Variants in FYB2 observed in about 807,000 individuals in gnomAD.
FYB2 encodes FYN binding protein 2, also known as FYN-binding protein 2.
FYB2 carries 103 observed loss-of-function variants against 94.1 expected under a neutral mutation model. The ratio of observed to expected loss-of-function variants is 1.09; its 90% CI spans 0.93 to 1.29. The LOEUF is 1.29. FYB2 is among the 50% of genes most tolerant of loss of function. The probability of loss-of-function intolerance (pLI) is 0.00; values close to 1 mark genes in which losing one functional copy is unlikely to be tolerated. For missense variants in FYB2, 896 were observed against 841.5 expected (o/e 1.06, Z -0.80); for synonymous variants, 293 against 287.9 (o/e 1.02, Z -0.18).
chr1:56,759,875 G>T (rs1645446604), intron 5 of FYB2, among the ~76,000 whole-genome samples: 1 of 152,094 alleles, frequency 6.6e-6, no homozygotes. Context: ...AAGGTCAGGA[G>T]TTCAAGACCA....
At chr1:56,731,419 A>G (rs1644707495) in intron 15 of FYB2, among the ~76,000 whole-genome samples, 1 of 152,048 alleles carries the variant, frequency 6.6e-6, no homozygotes, top group East Asian at 1.9e-4. Flanking sequence ...AGCTCAAGCA[A>G]TCCTCCCACT....
intron 9 of FYB2, among the ~76,000 whole-genome samples, chr1:56,747,722 A>G (rs973526696): frequency 6.6e-5 from 10 of 152,086 alleles, no homozygotes; most frequent in African/African-American, 2.4e-4. Flanking sequence ...GTGTGCATGT[A>G]TCTTTATAGT....
In FYB2 at chr1:56,816,952, A is replaced by G. The variant is rs1646897418; in HGVS notation, c.9+2330T>C. 2.0e-5 allele frequency among the ~76,000 whole-genome samples: 3 copies of G among 150,906 alleles called. No individual in the cohort carries two copies. In the East Asian group the frequency reaches 5.9e-4, roughly 29 times the overall value. On this transcript the variant is annotated intron_variant, in intron 1 of 19. Coordinates refer to ENST00000343433, the MANE Select transcript of FYB2 (RefSeq NM_001004303.5). ...GCATCTGACCACTTCTAGCCACTTC[A>G]TTGCTAAGACTGGTCTGAGCCACCA...
chr1:56,722,436 C>G (rs949789323), intron 17 of FYB2, among the ~76,000 whole-genome samples: 3 of 151,976 alleles, frequency 2.0e-5, no homozygotes, highest in Non-Finnish European at 4.4e-5. Context: ...GTGTGATAAG[C>G]TAGAGATTGC....
intron 15 of FYB2, among the ~76,000 whole-genome samples, chr1:56,727,903 C>T (rs1023471039): frequency 3.3e-5 from 5 of 152,094 alleles, no homozygotes; most frequent in African/African-American, 1.2e-4. Flanking sequence ...GTTCCAGCTA[C>T]TTGGAGGCTG....
chr1:56,763,336 T>G (rs1645544657), intron 5 of FYB2, among the ~76,000 whole-genome samples: 3 of 152,210 alleles, frequency 2.0e-5, no homozygotes, highest in Admixed American at 1.3e-4. Flanking sequence ...TTGGTATTAA[T>G]TCATCTTTAA....
intron 13 of FYB2, among the ~76,000 whole-genome samples, chr1:56,739,544 T>C (rs1473722288): frequency 1.3e-5 from 2 of 152,062 alleles, no homozygotes; most frequent in Non-Finnish European, 2.9e-5. Flanking sequence ...CTTGGGCAAA[T>C]TATTTTAGCA....
At position 56,719,632 on chromosome 1, in the gene FYB2, T is replaced by C; in HGVS notation, c.*39A>G. ...GCAGGACTAGGATCTTAGGACTAGT[T>C]CTCCTTTGTGCAGTCCATAGCATTT... On this transcript the variant is annotated 3_prime_UTR_variant, in exon 20 of 20. Transcript: ENST00000343433. The C allele has an allele frequency of 6.4e-7, 1 of 1,552,722 alleles. No homozygotes were observed. The highest frequency in any genetic ancestry group is 8.8e-7 in the Non-Finnish European group (1 of 1,138,968).
intron 12 of FYB2, among the ~76,000 whole-genome samples, chr1:56,741,114 TA>T (rs904871485): frequency 1.3e-5 from 2 of 151,638 alleles, no homozygotes; most frequent in Admixed American, 1.3e-4. Flanking sequence ...TCTGAGTCCA[TA>T]AAAAAAATAA....
chr1:56,819,533 G>A, upstream of FYB2: 2 of 597,552 alleles, frequency 3.3e-6, no homozygotes, highest in Admixed American at 3.0e-5. Flanking sequence ...AGGGGACTGG[G>A]GAGAGTACTC....
chr1:56,736,424 C>CTTTTTTTTTT (rs59242700), intron 15 of FYB2, among the ~76,000 whole-genome samples: 1 of 120,008 alleles, frequency 8.3e-6, no homozygotes, highest in Non-Finnish European at 1.7e-5. Flanking sequence ...TTAAGGATGG[C>CTTTTTTTTTT]TTTTTTTTTT....
chr1:56,729,073 G>A (rs956763810), intron 15 of FYB2, among the ~76,000 whole-genome samples: 7 of 152,154 alleles, frequency 4.6e-5, no homozygotes, highest in African/African-American at 9.7e-5. Context: ...AAGAACAGGC[G>A]AGGCTAAGAG....
At chr1:56,823,144 T>A (rs1183622957), upstream of FYB2, among the ~76,000 whole-genome samples, 2 of 152,182 alleles carry the variant, frequency 1.3e-5, no homozygotes, top group Non-Finnish European at 2.9e-5. Flanking sequence ...CTCTGGTTGA[T>A]GAATGAAGAA....
intron 4 of FYB2, among the ~76,000 whole-genome samples, chr1:56,775,313 A>G (rs1645851097): frequency 6.6e-6 from 1 of 152,114 alleles, no homozygotes; most frequent in African/African-American, 2.4e-5. Context: ...TTATTTCTAC[A>G]AAGGACCACA....
chr1:56,800,438 G>C (rs978664695), intron 1 of FYB2, among the ~76,000 whole-genome samples: 5 of 151,850 alleles, frequency 3.3e-5, no homozygotes, highest in African/African-American at 1.2e-4. Context: ...AAAGCTTAAG[G>C]TTAGAAAGAT....
At chr1:56,816,916 A>T (rs1646896815) in intron 1 of FYB2, among the ~76,000 whole-genome samples, 1 of 150,566 alleles carries the variant, frequency 6.6e-6, no homozygotes. Flanking sequence ...CCTACCTTTA[A>T]TCTATTTCCA....
At chr1:56,775,818 G>A (rs1645862241) in intron 4 of FYB2, among the ~76,000 whole-genome samples, 1 of 152,200 alleles carries the variant, frequency 6.6e-6, no homozygotes, top group Admixed American at 6.5e-5. Flanking sequence ...CAGACTATTA[G>A]CTAGAGACAT....
At chr1:56,756,579 G>T (rs1271626903) in intron 6 of FYB2, among the ~76,000 whole-genome samples, 1 of 152,224 alleles carries the variant, frequency 6.6e-6, no homozygotes, top group Non-Finnish European at 1.5e-5. Flanking sequence ...GGCAGCCCTG[G>T]AAACCATTAT....
At position 56,792,544 on chromosome 1, in the gene FYB2, C is replaced by T. The variant is rs549831043; in HGVS notation, c.269G>A (p.Cys90Tyr). ...KLAQKSEIPKCSNSPGPLGKS... is the reference protein window; with the variant it reads ...KLAQKSEIPKYSNSPGPLGKS... Reference sequence around the variant, plus strand: ...TCCCAGAGGCCCTGGGGAGTTAGAACATTTTGGAATTTCACTCTTCTGAGC... The same window carrying T: ...TCCCAGAGGCCCTGGGGAGTTAGAATATTTTGGAATTTCACTCTTCTGAGC... The change falls in exon 2 of 20, where the codon TGT becomes TAT. Residue 90 changes from cysteine to tyrosine, a missense_variant. Cys to Tyr is a radical substitution (Grantham distance 194, BLOSUM62 -2). Coordinates refer to ENST00000343433, the MANE Select transcript of FYB2 (RefSeq NM_001004303.5). The T allele has an allele frequency of 6.2e-7, 1 of 1,614,098 alleles. No homozygotes were observed. Among genetic ancestry groups the T allele is most frequent in the South Asian group, 1.1e-5 (1 of 91,086 alleles).
Sources: allele counts gnomAD v4.1 joint callset (sites outside exome capture counted in the v4.1 genomes callset), GRCh38; gene constraint gnomAD v4.1.1; transcripts MANE v1.5; gene names NCBI Gene and HGNC (gene_info 2026-07-23, HGNC 2026-07-21).